The following EPHA3 variants were observed in gnomAD, a reference collection of about 807,000 sequenced individuals.
EPHA3 encodes the protein ephrin type-A receptor 3.
A neutral mutation model predicts 107.1 loss-of-function variants in EPHA3; 42 were observed. The observed-to-expected ratio is 0.39, with a 90% confidence interval of 0.31 to 0.51. The LOEUF is 0.51. Ranked by LOEUF, EPHA3 falls within the 20% of genes least tolerant of loss-of-function variation. EPHA3 has a pLI of 0.78. For synonymous variants in EPHA3, 461 were observed against 424.8 expected (o/e 1.09, Z -1.05); for missense variants, 1,183 against 1,211.2 (o/e 0.98, Z 0.35).
At chr3:89,219,240 C>G (rs1158167991) in intron 3 of EPHA3, among the ~76,000 whole-genome samples, 2 of 151,626 alleles carry the variant, frequency 1.3e-5, no homozygotes, top group Non-Finnish European at 2.9e-5. Flanking sequence ...CTCGGCTCAC[C>G]GCAACCTCCA....
chr3:89,127,126 C>A, intron 1 of EPHA3, 83 bp from the exon 2 acceptor site: 3 of 1,050,730 alleles, frequency 2.9e-6, no homozygotes, highest in Admixed American at 1.8e-5. Context: ...GCAACATCAA[C>A]AACAGACAAT....
At chr3:89,446,883 A>G (rs1193910790) in intron 13 of EPHA3, among the ~76,000 whole-genome samples, 2 of 152,166 alleles carry the variant, frequency 1.3e-5, no homozygotes, top group Non-Finnish European at 2.9e-5. Context: ...TAGAAAAATG[A>G]CAAGTGTCTA....
At chr3:89,416,512 AT>A (rs548395057) in intron 10 of EPHA3, among the ~76,000 whole-genome samples, 180 of 151,500 alleles carry the variant, frequency 1.2e-3, no homozygotes, top group African/African-American at 4.1e-3. Flanking sequence ...TTTACCAACC[AT>A]AAAGTTCAGC....
intron 5 of EPHA3, among the ~76,000 whole-genome samples, chr3:89,394,502 G>C (rs1261881004): frequency 6.6e-6 from 1 of 152,210 alleles, no homozygotes; most frequent in Non-Finnish European, 1.5e-5. Flanking sequence ...CCCAGTTGAT[G>C]GGAAATATTG....
At chr3:89,217,455 G>A (rs1285851228) in intron 3 of EPHA3, among the ~76,000 whole-genome samples, 4 of 151,870 alleles carry the variant, frequency 2.6e-5, no homozygotes, top group Non-Finnish European at 5.9e-5. Context: ...TATTCTTACC[G>A]CTATTTCTAT....
At chr3:89,174,702 T>C (rs1705282140) in intron 2 of EPHA3, among the ~76,000 whole-genome samples, 1 of 151,970 alleles carries the variant, frequency 6.6e-6, no homozygotes, top group Admixed American at 6.6e-5. Context: ...TGAAGTTACT[T>C]TTTAAAATTA....
intron 5 of EPHA3, among the ~76,000 whole-genome samples, chr3:89,367,897 A>G (rs1358407768): frequency 6.6e-6 from 1 of 150,586 alleles, no homozygotes; most frequent in East Asian, 1.9e-4. Flanking sequence ...GTTTATCTGT[A>G]TTTCTCTTAT....
chr3:89,467,040 T>C (rs187423360), intron 15 of EPHA3, among the ~76,000 whole-genome samples: 17 of 152,280 alleles, frequency 1.1e-4, no homozygotes, highest in African/African-American at 3.9e-4. Context: ...TGTTGGGAAC[T>C]GTATATATTC....
rs67054298 is a variant in EPHA3 at position 89,136,330 on chromosome 3, C to CTTTTTTTTTTTTTTTTTTTTT, written c.153+9061_153+9081dup. On this transcript the variant is annotated intron_variant, in intron 2 of 16. Coordinates refer to ENST00000336596, the MANE Select transcript of EPHA3 (RefSeq NM_005233.6). Reference sequence around the variant, plus strand: ...GAAAAACATGGCAAAATCTTACAGGCTTTTTTTTTTTTTTTTTTTTTTTTG... The same window carrying CTTTTTTTTTTTTTTTTTTTTT: ...GAAAAACATGGCAAAATCTTACAGGCTTTTTTTTTTTTTTTTTTTTTTTTTTTTTTTTTTTTTTTTTTTTTG... Among the ~76,000 whole-genome samples the CTTTTTTTTTTTTTTTTTTTTT allele has an allele frequency of 5.6e-4, 13 of 23,370 alleles. 1 individual carries two copies. Among genetic ancestry groups the CTTTTTTTTTTTTTTTTTTTTT allele is most frequent in the East Asian group, 1.3e-3 (1 of 758 alleles). The allele number at this position is 23,370 out of a possible 152,430, so 15.3% of individuals were successfully genotyped here.
At chr3:89,198,394 C>A (rs1280688103) in intron 2 of EPHA3, among the ~76,000 whole-genome samples, 10 of 151,222 alleles carry the variant, frequency 6.6e-5, no homozygotes, top group Non-Finnish European at 1.3e-4. Flanking sequence ...TTAAATCATA[C>A]TCTATTGAAT....
intron 2 of EPHA3, among the ~76,000 whole-genome samples, chr3:89,193,204 A>C (rs930982073): frequency 3.3e-5 from 5 of 152,062 alleles, no homozygotes; most frequent in Non-Finnish European, 5.9e-5. Context: ...ACCCAAAAAA[A>C]TGGTTAATCT....
chr3:89,310,494 A>G (rs1706738782), intron 3 of EPHA3, among the ~76,000 whole-genome samples: 1 of 151,788 alleles, frequency 6.6e-6, no homozygotes, highest in African/African-American at 2.4e-5. Context: ...AATTATGTTA[A>G]CCCCTTCCTT....
At chr3:89,118,975 G>A (rs1707317663) in intron 1 of EPHA3, among the ~76,000 whole-genome samples, 1 of 151,864 alleles carries the variant, frequency 6.6e-6, no homozygotes, top group South Asian at 2.1e-4. Context: ...TTTTTTTAAG[G>A]TAAAAGATAA....
intron 5 of EPHA3, among the ~76,000 whole-genome samples, chr3:89,348,507 T>G (rs1707728715): frequency 7.5e-6 from 1 of 133,326 alleles, no homozygotes; most frequent in Non-Finnish European, 1.6e-5. Context: ...CTTCTCTCTT[T>G]TTTTCTTTAT....
intron 3 of EPHA3, among the ~76,000 whole-genome samples, chr3:89,309,352 A>T (rs1468762973): frequency 6.6e-6 from 1 of 152,148 alleles, no homozygotes; most frequent in Non-Finnish European, 1.5e-5. Flanking sequence ...CGTTTAGGAA[A>T]GTTGTATCTT....
chr3:89,407,630 A>G (rs1709080848), intron 8 of EPHA3, among the ~76,000 whole-genome samples: 2 of 151,898 alleles, frequency 1.3e-5, no homozygotes, highest in Admixed American at 6.6e-5. Flanking sequence ...CACTACTCCT[A>G]GTTTTTACTT....
intron 2 of EPHA3, among the ~76,000 whole-genome samples, chr3:89,188,450 G>C (rs112772427): frequency 0.042 from 6,376 of 152,014 alleles, 380 homozygotes; most frequent in African/African-American, 0.13. Flanking sequence ...GCTTTACTGG[G>C]CACTTTTTCT....
intron 2 of EPHA3, among the ~76,000 whole-genome samples, chr3:89,156,680 A>G (rs1448584932): frequency 6.6e-6 from 1 of 152,182 alleles, no homozygotes; most frequent in Non-Finnish European, 1.5e-5. Flanking sequence ...GAAGAATGAT[A>G]TTAGTTAGCA....
intron 3 of EPHA3, among the ~76,000 whole-genome samples, chr3:89,269,298 G>A (rs1705608436): frequency 6.6e-6 from 1 of 152,078 alleles, no homozygotes; most frequent in Admixed American, 6.6e-5. Flanking sequence ...CAGTGACTTG[G>A]AACATTAGTT....
Sources: gnomAD v4.1 joint callset for allele counts (sites outside exome capture counted in the v4.1 genomes callset) on GRCh38, gnomAD v4.1.1 for gene constraint, MANE v1.5 for transcripts, NCBI Gene and HGNC (gene_info 2026-07-23, HGNC 2026-07-21) for gene names.